SMAD3: variants seen among roughly 807,000 people sequenced by gnomAD.
SMAD3 encodes MAD homolog 3.
Under a neutral mutation model 51.8 loss-of-function variants are expected in SMAD3, and 12 were observed. The ratio of observed to expected loss-of-function variants is 0.23; its 90% confidence interval spans 0.15 to 0.38. The LOEUF (loss-of-function observed/expected upper bound fraction) is 0.38. SMAD3 is among the 10% of genes least tolerant of loss of function. The pLI, the probability that SMAD3 is intolerant of heterozygous loss-of-function variation, is 1.00. For missense variants in SMAD3, 294 were observed against 565.6 expected (o/e 0.52, Z 4.87); for synonymous variants, 238 against 227.7 (o/e 1.05, Z -0.41).
At chr15:67,159,132 G>A (rs988668348) in intron 1 of SMAD3, among the ~76,000 whole-genome samples, 1 of 151,710 alleles carries the variant, frequency 6.6e-6, no homozygotes, top group Non-Finnish European at 1.5e-5. Context: ...GTGCTCTGGT[G>A]CAATCACAGC....
rs1960154096 is a variant in SMAD3, at chr15:67,075,784, G to A, written c.206+9424G>A. ...ATAAAAATTAGCCGGGCATGGTAGCGGGCGCCTGTAATTTCAGCTACTCAG... is the reference window on the plus strand; with the variant it reads ...ATAAAAATTAGCCGGGCATGGTAGCAGGCGCCTGTAATTTCAGCTACTCAG... On this transcript the variant is annotated intron_variant, in intron 1 of 8. Transcript: ENST00000327367. Among the ~76,000 whole-genome samples the A allele has an allele frequency of 2.6e-5, 4 of 151,918 alleles. 1 individual carries two copies. Among genetic ancestry groups the A allele is most frequent in the Admixed American group, 2.6e-4 (4 of 15,258 alleles).
At chr15:67,162,057 C>G (rs1395380674) in intron 1 of SMAD3, among the ~76,000 whole-genome samples, 2 of 152,152 alleles carry the variant, frequency 1.3e-5, no homozygotes, top group Non-Finnish European at 2.9e-5. Flanking sequence ...TTCAAGATGC[C>G]CTTAGTCAGC....
intron 5 of SMAD3, among the ~76,000 whole-genome samples, chr15:67,177,796 T>C (rs55994097): frequency 0.35 from 52,754 of 151,640 alleles, 10,207 homozygotes; most frequent in Middle Eastern, 0.47. Flanking sequence ...GTGACCATAC[T>C]TTCTGGTCTG....
chr15:67,187,747 G>C (rs752655987), intron 8 of SMAD3, among the ~76,000 whole-genome samples: 3 of 152,198 alleles, frequency 2.0e-5, no homozygotes, highest in Non-Finnish European at 4.4e-5. Flanking sequence ...GTAAACACAC[G>C]CTCCATCTTA....
intron 1 of SMAD3, among the ~76,000 whole-genome samples, chr15:67,133,483 C>T (rs989928925): frequency 6.6e-6 from 1 of 151,558 alleles, no homozygotes; most frequent in African/African-American, 2.4e-5. Flanking sequence ...AGAAGGCAAA[C>T]AAAGTATGAT....
At chr15:67,110,419 A>G (rs1199748499) in intron 1 of SMAD3, among the ~76,000 whole-genome samples, 1 of 152,190 alleles carries the variant, frequency 6.6e-6, no homozygotes, top group African/African-American at 2.4e-5. Context: ...CTTGGGTTTG[A>G]CAAAATAGAA....
chr15:67,113,076 G>GTGTATATATATATATATATATA lies in SMAD3; in HGVS notation c.206+46717_206+46718insGTATATATATATATATATATAT, dbSNP rs763595789. On this transcript the variant is annotated intron_variant, in intron 1 of 8. Coordinates refer to ENST00000327367, the MANE Select transcript of SMAD3 (RefSeq NM_005902.4). The stretch of plus-strand genomic sequence containing the variant: ...CAACTTTTAAAATATATATATATGT[G>GTGTATATATATATATATATATA]TATATATATATATATATATTTTTTT... Among the ~76,000 whole-genome samples, 5 of 34,972 alleles carry GTGTATATATATATATATATATA rather than the reference G, an allele frequency of 1.4e-4. 1 individual carries two copies. Among genetic ancestry groups the GTGTATATATATATATATATATA allele is most frequent in the Non-Finnish European group, 2.9e-4 (5 of 17,384 alleles). The allele number at this position is 34,972 out of a possible 152,430, so 22.9% of individuals were successfully genotyped here. A position where few individuals can be genotyped will look rare whatever the true frequency, so the allele number is the denominator to read the frequency against.
chr15:67,194,254 T>A lies in SMAD3; in HGVS notation c.*3718T>A, dbSNP rs1243593325. On this transcript the variant is annotated 3_prime_UTR_variant, in exon 9 of 9. Transcript: ENST00000327367. Reference sequence around the variant, plus strand: ...CTTGTAGGCCCCTTTCAGGTAACCGTCTTCACAATGTATTTTCATCACAGT... The same window carrying A: ...CTTGTAGGCCCCTTTCAGGTAACCGACTTCACAATGTATTTTCATCACAGT... 1 of 233,300 alleles carries A rather than the reference T, an allele frequency of 4.3e-6. No homozygotes were observed. Among genetic ancestry groups the A allele is most frequent in the East Asian group, 6.0e-5 (1 of 16,744 alleles). The allele number at this position is 233,300 out of a possible 1,614,324, so 14.5% of individuals were successfully genotyped here. A position where few individuals can be genotyped will look rare whatever the true frequency, so the allele number is the denominator to read the frequency against.
intron 1 of SMAD3, among the ~76,000 whole-genome samples, chr15:67,069,298 T>G (rs551414973): frequency 9.1e-4 from 138 of 152,282 alleles, no homozygotes; most frequent in African/African-American, 3.2e-3. Flanking sequence ...GCTGTCAGGA[T>G]ACTCTGAGGT....
rs1962537574 is a variant in SMAD3 at position 67,164,992 on chromosome 15, G to A, written c.304G>A (p.Glu102Lys). The A allele has an allele frequency of 1.2e-6, 2 of 1,614,094 alleles. No individual in the cohort carries two copies. Among genetic ancestry groups the A allele is most frequent in the Non-Finnish European group, 1.7e-6 (2 of 1,180,022 alleles). ...ATGGCCAGACCTGCACAGCCACCAC[G>A]AGCTACGGGCCATGGAGCTGTGTGA... is the stretch of plus-strand genomic sequence containing the variant. ...WRWPDLHSHH[E>K]LRAMELCEFA... is the part of the protein sequence containing the mutation. The change falls in exon 2 of 9, where the codon GAG becomes AAG. Residue 102 changes from glutamate to lysine, a missense_variant. Physicochemically the swap from Glu to Lys is moderately conservative, Grantham distance 56. Coordinates refer to ENST00000327367, the MANE Select transcript of SMAD3 (RefSeq NM_005902.4).
intron 5 of SMAD3, among the ~76,000 whole-genome samples, chr15:67,179,097 C>T (rs1225084105): frequency 3.3e-5 from 5 of 152,158 alleles, no homozygotes; most frequent in Admixed American, 6.5e-5. Context: ...CCAGAAACAG[C>T]GCCGAGAGTA....
rs1201224974 is a variant in SMAD3, at chr15:67,193,415, T to C, written c.*2879T>C. The stretch of plus-strand genomic sequence containing the variant: ...TCAGCACCTTCCAAGGAGCCAACTT[T>C]TATTCCCTTTCCTCTCTCCCCTCCC... On this transcript the variant is annotated 3_prime_UTR_variant, in exon 9 of 9. Transcript: ENST00000327367. 8.6e-6 allele frequency: 2 copies of C among 233,676 alleles called. No homozygotes were observed. The highest frequency in any genetic ancestry group is 1.7e-5 in the Non-Finnish European group (2 of 118,094). The allele number at this position is 233,676 out of a possible 1,614,324, so 14.5% of individuals were successfully genotyped here.
intron 1 of SMAD3, among the ~76,000 whole-genome samples, chr15:67,142,197 A>ACACC (rs1961845950): frequency 8.8e-6 from 1 of 114,166 alleles, no homozygotes; most frequent in African/African-American, 3.4e-5. Context: ...TCTCCTCCCC[A>ACACC]CACCCCCCCC....
At chr15:67,189,972 A>G (rs1467633256) in intron 8 of SMAD3, among the ~76,000 whole-genome samples, 1 of 151,988 alleles carries the variant, frequency 6.6e-6, no homozygotes, top group Non-Finnish European at 1.5e-5. Context: ...GACACACGTC[A>G]TCGTCGCCTG....
intron 1 of SMAD3, among the ~76,000 whole-genome samples, chr15:67,073,632 C>A (rs1396855273): frequency 6.6e-6 from 1 of 151,920 alleles, no homozygotes. Context: ...TATTGGAGGG[C>A]CTTTCTAACT....
rs188171279 is a variant in SMAD3 at position 67,171,340 on chromosome 15, G to C, written c.658+736G>C. On this transcript the variant is annotated intron_variant, in intron 5 of 8. Coordinates refer to ENST00000327367, the MANE Select transcript of SMAD3 (RefSeq NM_005902.4). ...ACATCCCTCCATGGTTAGACTGCTGGGTCAGTTTTTCCAAGACTCAATTTT... is the reference window on the plus strand; with the variant it reads ...ACATCCCTCCATGGTTAGACTGCTGCGTCAGTTTTTCCAAGACTCAATTTT... Among the ~76,000 whole-genome samples the C allele has an allele frequency of 5.5e-4, 84 of 152,242 alleles. 1 individual carries two copies. Among genetic ancestry groups the C allele is most frequent in the Middle Eastern group, 6.8e-3 (2 of 294 alleles).
At chr15:67,102,900 GT>G (rs1162142510) in intron 1 of SMAD3, among the ~76,000 whole-genome samples, 2 of 152,262 alleles carry the variant, frequency 1.3e-5, no homozygotes, top group Admixed American at 6.5e-5. Flanking sequence ...CTGCTGCCAT[GT>G]TTTAGCTCCC....
chr15:67,108,609 C>A (rs955649137), intron 1 of SMAD3, among the ~76,000 whole-genome samples: 5 of 152,280 alleles, frequency 3.3e-5, no homozygotes, highest in South Asian at 2.1e-4. Flanking sequence ...CTGGGTTATT[C>A]TTCTCACAGT....
In SMAD3 at chr15:67,164,783, G is replaced by T. The variant is rs1340745268; in HGVS notation, c.207-112G>T. 5 of 1,118,534 alleles carry T rather than the reference G, an allele frequency of 4.5e-6. No homozygotes were observed. The African/African-American group carries it at 6.1e-5, about 14-fold the overall frequency. The allele number at this position is 1,118,534 out of a possible 1,614,324, so 69.3% of individuals were successfully genotyped here. A position where few individuals can be genotyped will look rare whatever the true frequency, so the allele number is the denominator to read the frequency against. On this transcript the variant is annotated intron_variant, in intron 1 of 8. Transcript: ENST00000327367. ...ATCTCCTGGACCTCTGGATCTGGGA[G>T]AAATGAGGGGAGAGAGAGCTTTCCA...
Sources: gnomAD v4.1 joint callset for allele counts (sites outside exome capture counted in the v4.1 genomes callset) on GRCh38, gnomAD v4.1.1 for gene constraint, MANE v1.5 for transcripts, NCBI Gene and HGNC (gene_info 2026-07-23, HGNC 2026-07-21) for gene names.